LARP4B: variants seen among roughly 807,000 people sequenced by gnomAD.
The protein encoded by LARP4B is La ribonucleoprotein 4B, also known as la-related protein 4B.
Under a neutral mutation model 89.8 loss-of-function variants are expected in LARP4B, and 12 were observed. That is an observed-to-expected ratio of 0.13 (90% CI 0.09 to 0.22). The LOEUF (loss-of-function observed/expected upper bound fraction) is 0.22. Among genes scored for constraint, LARP4B ranks in the 10% least tolerant of loss-of-function variants. LARP4B has a pLI of 1.00. For missense variants in LARP4B, 757 were observed against 947.7 expected (o/e 0.80, Z 2.64); for synonymous variants, 367 against 363.3 (o/e 1.01, Z -0.12).
At chr10:844,796 G>A (rs1470915798) in intron 6 of LARP4B, among the ~76,000 whole-genome samples, 181 bp downstream of exon 6, 1 of 151,874 alleles carries the variant, frequency 6.6e-6, no homozygotes, top group Non-Finnish European at 1.5e-5. Flanking sequence ...CCACAGACAT[G>A]AAGGTTACGT....
chr10:836,254 T>A lies in LARP4B; in HGVS notation c.750+149A>T, dbSNP rs536467857. 1.3e-3 allele frequency: 728 copies of A among 563,400 alleles called. 4 individuals carry two copies. Among genetic ancestry groups the A allele is most frequent in the Non-Finnish European group, 2.0e-3 (621 of 317,224 alleles). The allele number at this position is 563,400 out of a possible 1,614,324, so 34.9% of individuals were successfully genotyped here. A position where few individuals can be genotyped will look rare whatever the true frequency, so the allele number is the denominator to read the frequency against. ...CATTCCCTCCTACTCTGTAACTCAC[T>A]GTGTGTAAATCCTGGGAAAACAGTG... On this transcript the variant is annotated intron_variant, in intron 8 of 17. Transcript: ENST00000316157.
chr10:918,504 C>T (rs980964312), intron 1 of LARP4B, among the ~76,000 whole-genome samples: 6 of 151,718 alleles, frequency 4.0e-5, no homozygotes, highest in Middle Eastern at 3.2e-3. Flanking sequence ...TGTGGTGGCA[C>T]GTGCCTGTAG....
intron 8 of LARP4B, among the ~76,000 whole-genome samples, chr10:832,471 G>A (rs1832960953): frequency 2.0e-5 from 3 of 152,194 alleles, no homozygotes; most frequent in South Asian, 2.1e-4. Flanking sequence ...AAAAGGCAGA[G>A]GAAAACATTT....
At chr10:869,702 C>A (rs2098409619) in intron 3 of LARP4B, among the ~76,000 whole-genome samples, 1 of 151,870 alleles carries the variant, frequency 6.6e-6, no homozygotes, top group Admixed American at 6.6e-5. Context: ...GCCTGGCCAA[C>A]ATGGCGAAAT....
the LARP4B span, among the ~76,000 whole-genome samples, chr10:946,092 T>C: frequency 6.6e-6 from 1 of 152,192 alleles, no homozygotes; most frequent in African/African-American, 2.4e-5. Flanking sequence ...CATCTTGAAT[T>C]GAAGTCAACT....
upstream of LARP4B, among the ~76,000 whole-genome samples, chr10:935,868 A>C: frequency 6.7e-6 from 1 of 149,606 alleles, no homozygotes; most frequent in Non-Finnish European, 1.5e-5. Flanking sequence ...ACAGGGATGC[A>C]CCATGATGCC....
At chr10:819,062 C>G (rs1832208367) in intron 14 of LARP4B, 1 of 152,208 alleles carries the variant, frequency 6.6e-6, no homozygotes. Context: ...AGCTTGTTAC[C>G]TACTGAGCAG....
intron 1 of LARP4B, among the ~76,000 whole-genome samples, chr10:907,030 C>G (rs1836510882): frequency 6.6e-6 from 1 of 152,244 alleles, no homozygotes; most frequent in South Asian, 2.1e-4. Context: ...AGAACCACAG[C>G]TACTGAGATG....
At chr10:846,185 T>C (rs933074225) in intron 5 of LARP4B, among the ~76,000 whole-genome samples, 1 of 152,212 alleles carries the variant, frequency 6.6e-6, no homozygotes, top group Non-Finnish European at 1.5e-5. Flanking sequence ...CCATGTTTAA[T>C]AGGTATTTAC....
downstream of LARP4B, chr10:809,364 C>G (rs1388755869): frequency 6.6e-6 from 1 of 152,252 alleles, no homozygotes; most frequent in African/African-American, 2.4e-5. Flanking sequence ...CACTAAAACA[C>G]AAAGGGTGAG....
chr10:833,414 A>G (rs1006917371), intron 8 of LARP4B, among the ~76,000 whole-genome samples: 21 of 152,208 alleles, frequency 1.4e-4, no homozygotes, highest in African/African-American at 4.3e-4. Context: ...ACACAGAGTT[A>G]TACCTAATAT....
At chr10:968,195 C>T in the LARP4B span, among the ~76,000 whole-genome samples, 1 of 152,138 alleles carries the variant, frequency 6.6e-6, no homozygotes, top group African/African-American at 2.4e-5. Context: ...AACATGAAAC[C>T]TGGTAATTGG....
intron 3 of LARP4B, among the ~76,000 whole-genome samples, chr10:875,166 T>C (rs992175422): frequency 3.9e-5 from 6 of 152,146 alleles, no homozygotes; most frequent in South Asian, 2.1e-4. Flanking sequence ...TGAAAGGACA[T>C]AGTAAAGCAG....
chr10:817,737 T>C lies in LARP4B; in HGVS notation c.1683A>G (p.Pro561=). Residue 561 remains proline, a synonymous_variant, in exon 15 of 18, where the codon CCA becomes CCG. Transcript: ENST00000316157. ...ENRLSSLIIG[P]SKERTLSADA... ...ATATATCCCTTACCCTTTCTTTGGA[T>C]GGTCCTATTATCAAGCTAGATAGCC... is the stretch of plus-strand genomic sequence containing the variant. 1.2e-6 allele frequency: 2 copies of C among 1,614,092 alleles called. No individual in the cohort carries two copies. Among genetic ancestry groups the C allele is most frequent in the Non-Finnish European group, 8.5e-7 (1 of 1,179,950 alleles).
At chr10:919,226 A>C (rs1836913832) in intron 1 of LARP4B, among the ~76,000 whole-genome samples, 1 of 152,220 alleles carries the variant, frequency 6.6e-6, no homozygotes, top group African/African-American at 2.4e-5. Flanking sequence ...GTGTGACTTA[A>C]GCCCCCAAAT....
intron 5 of LARP4B, among the ~76,000 whole-genome samples, chr10:850,587 A>G (rs1833993099): frequency 6.6e-6 from 1 of 152,250 alleles, no homozygotes; most frequent in Admixed American, 6.5e-5. Flanking sequence ...CAGAAAGAGT[A>G]CATTAATCTT....
chr10:827,533 G>A (rs550952850), intron 11 of LARP4B, among the ~76,000 whole-genome samples: 7 of 152,292 alleles, frequency 4.6e-5, no homozygotes, highest in African/African-American at 1.7e-4. Context: ...GCAGAACAAA[G>A]GACGCACATG....
At chr10:913,608 C>T (rs1275150931) in intron 1 of LARP4B, among the ~76,000 whole-genome samples, 1 of 152,138 alleles carries the variant, frequency 6.6e-6, no homozygotes, top group East Asian at 1.9e-4. Flanking sequence ...TGATGGCTAA[C>T]TTTGTTTAAT....
At chr10:984,209 T>C in the LARP4B span, among the ~76,000 whole-genome samples, 1 of 152,216 alleles carries the variant, frequency 6.6e-6, no homozygotes, top group Non-Finnish European at 1.5e-5. Context: ...CAGATGTCTG[T>C]TGCAACATGA....
Sources: allele counts gnomAD v4.1 joint callset (sites outside exome capture counted in the v4.1 genomes callset), GRCh38; gene constraint gnomAD v4.1.1; transcripts MANE v1.5; gene names NCBI Gene and HGNC (gene_info 2026-07-23, HGNC 2026-07-21).